The following P2RX3 variants were observed in gnomAD, a reference collection of about 807,000 sequenced individuals.
P2RX3 encodes purinergic receptor P2X 3.
P2RX3 carries 41 observed loss-of-function variants against 51.5 expected under a neutral mutation model. The observed-to-expected ratio is 0.80, with a 90% CI of 0.62 to 1.03. P2RX3 has a LOEUF of 1.03. Among genes scored for constraint, P2RX3 ranks in the 50% least tolerant of loss-of-function variants. P2RX3 has a pLI of 0.00. For synonymous variants in P2RX3, 185 were observed against 191.6 expected (o/e 0.97, Z 0.29); for missense variants, 459 against 522.1 (o/e 0.88, Z 1.18).
chr11:57,365,494 C>A (rs957463281), intron 8 of P2RX3, among the ~76,000 whole-genome samples: 1 of 152,186 alleles, frequency 6.6e-6, no homozygotes, highest in African/African-American at 2.4e-5. Flanking sequence ...GAGGCCAAAG[C>A]GGTCTTTGCA....
At position 57,338,585 on chromosome 11, in the gene P2RX3, C is replaced by T. The variant is rs1360290347; in HGVS notation, c.35C>T (p.Thr12Ile). The T allele has an allele frequency of 6.3e-7, 1 of 1,595,524 alleles. No homozygotes were observed. The highest frequency in any genetic ancestry group is 1.1e-5 in the South Asian group (1 of 90,332). The change falls in exon 1 of 12, where the codon ACC becomes ATC. Residue 12 changes from threonine (T) to isoleucine (I), a missense_variant. Transcript: ENST00000263314. Reference protein sequence around the residue: ...NCISDFFTYETTKSVVVKSWT... With the variant: ...NCISDFFTYEITKSVVVKSWT... The stretch of plus-strand genomic sequence containing the variant: ...ATATCCGACTTCTTCACCTATGAGA[C>T]CACCAAGTCGGTGGTTGTGAAGAGC...
intron 8 of P2RX3, among the ~76,000 whole-genome samples, chr11:57,351,974 G>C (rs1856556176): frequency 6.6e-6 from 1 of 152,150 alleles, no homozygotes; most frequent in Admixed American, 6.5e-5. Context: ...CCCTGTTTAA[G>C]TACACAGCAT....
chr11:57,363,877 C>T (rs1250557741), intron 8 of P2RX3, among the ~76,000 whole-genome samples: 1 of 152,314 alleles, frequency 6.6e-6, no homozygotes, highest in East Asian at 1.9e-4. Context: ...CAACCCTCCT[C>T]AGAGGGTGGG....
chr11:57,350,699 C>T, intron 7 of P2RX3, 63 bp from the exon 8 acceptor site: 2 of 1,589,978 alleles, frequency 1.3e-6, no homozygotes, highest in East Asian at 4.5e-5. Flanking sequence ...CCCACCCCCA[C>T]CCTGGCCCAG....
chr11:57,349,895 C>T lies in P2RX3; in HGVS notation c.702C>T (p.Arg234=). 2.5e-6 allele frequency: 4 copies of T among 1,614,240 alleles called. No homozygotes were observed. Among genetic ancestry groups the T allele is most frequent in the Non-Finnish European group, 3.4e-6 (4 of 1,180,046 alleles). ...FAGQDFAKLA[R]TGGVLGIKIG... ...GGCAGGATTTTGCCAAACTGGCGCG[C>T]ACGGTGAGGACCTAGCCATTCTTCC... Residue 234 remains arginine (R), a synonymous_variant, in exon 7 of 12, where the codon CGC becomes CGT. Transcript: ENST00000263314.
upstream of P2RX3, among the ~76,000 whole-genome samples, chr11:57,337,289 C>CAAAAAAAAAAAA (rs36169095): frequency 3.7e-5 from 1 of 26,764 alleles, no homozygotes; most frequent in African/African-American, 1.6e-4. Context: ...GAGACTCTGT[C>CAAAAAAAAAAAA]AAAAAAAAAA....
Position 57,348,300 on chromosome 11 carries a change from C to T in P2RX3, c.485+37C>T, listed in dbSNP as rs1292757783. 5 of 1,537,208 alleles carry T rather than the reference C, an allele frequency of 3.3e-6. No homozygotes were observed. The Admixed American group carries it at 5.8e-5, about 18-fold the overall frequency. ...AGCCAGACAGGAGGAGACAGGCCCC[C>T]ACCTCAGCTCCCCTTTGCCCATGTG... On this transcript the variant is annotated intron_variant, in intron 5 of 11. Coordinates refer to ENST00000263314, the MANE Select transcript of P2RX3 (RefSeq NM_002559.5).
At chr11:57,369,119 T>G (rs892505544) in intron 10 of P2RX3, among the ~76,000 whole-genome samples, 2 of 152,068 alleles carry the variant, frequency 1.3e-5, no homozygotes, top group African/African-American at 2.4e-5. Flanking sequence ...GCCCGCAGGG[T>G]CCAATCACCT....
intron 2 of P2RX3, 63 bp from the exon 3 acceptor site, chr11:57,347,053 A>G (rs1856449385): frequency 2.0e-6 from 3 of 1,485,302 alleles, no homozygotes; most frequent in Non-Finnish European, 2.8e-6. Context: ...ATAATCAGTT[A>G]TAGTCCCTGT....
chr11:57,343,974 ATT>A (rs1856387604), intron 1 of P2RX3, among the ~76,000 whole-genome samples: 1 of 152,164 alleles, frequency 6.6e-6, no homozygotes, highest in Admixed American at 6.5e-5. Context: ...GGCAGATGGG[ATT>A]TCTACGTGAG....
At chr11:57,337,061 G>A (rs981367357), upstream of P2RX3, among the ~76,000 whole-genome samples, 1 of 152,134 alleles carries the variant, frequency 6.6e-6, no homozygotes, top group African/African-American at 2.4e-5. Context: ...GGAGGCCAAG[G>A]CAGGGAGATC....
chr11:57,346,427 A>G, intron 1 of P2RX3, 117 bp from the exon 2 acceptor site: 1 of 1,298,864 alleles, frequency 7.7e-7, no homozygotes, highest in Non-Finnish European at 1.1e-6. Context: ...GGAAGGAACC[A>G]TCCGCACACC....
At chr11:57,355,952 G>A (rs968273039) in intron 8 of P2RX3, among the ~76,000 whole-genome samples, 10 of 152,156 alleles carry the variant, frequency 6.6e-5, no homozygotes, top group African/African-American at 2.2e-4. Context: ...ATCCCTTGAA[G>A]CCAGGAGTTT....
At chr11:57,347,647 G>GC (rs1383866220) in intron 4 of P2RX3, among the ~76,000 whole-genome samples, 169 bp downstream of exon 4, 2 of 152,194 alleles carry the variant, frequency 1.3e-5, no homozygotes, top group Non-Finnish European at 1.5e-5. Flanking sequence ...AGGTGGCATG[G>GC]CCCCTGCCCC....
At position 57,349,775 on chromosome 11, in the gene P2RX3, C is replaced by T; in HGVS notation, c.582C>T (p.Asn194=). The T allele has an allele frequency of 6.2e-7, 1 of 1,614,204 alleles. No homozygotes were observed. Among genetic ancestry groups the T allele is most frequent in the Non-Finnish European group, 8.5e-7 (1 of 1,180,028 alleles). ...FNFEKGNLLP[N]LTARDMKTCR... ...TCCCCAGGGGAAACCTCCTTCCCAA[C>T]CTGACAGCCAGGGACATGAAGACCT... The change falls in exon 7 of 12, where the codon AAC becomes AAT. Residue 194 remains asparagine (N), a synonymous_variant. Coordinates refer to ENST00000263314, the MANE Select transcript of P2RX3 (RefSeq NM_002559.5).
chr11:57,336,303 C>T (rs1163831236), upstream of P2RX3, among the ~76,000 whole-genome samples: 1 of 152,092 alleles, frequency 6.6e-6, no homozygotes, highest in Non-Finnish European at 1.5e-5. Flanking sequence ...CGTGGGTGCA[C>T]TGCTTTCTGG....
chr11:57,364,668 A>G (rs1467063055), intron 8 of P2RX3, among the ~76,000 whole-genome samples: 1 of 152,066 alleles, frequency 6.6e-6, no homozygotes, highest in Non-Finnish European at 1.5e-5. Flanking sequence ...TATAGAAATG[A>G]CGCCCTCTCT....
chr11:57,368,362 G>A lies in P2RX3; in HGVS notation c.937-10G>A, dbSNP rs767518255. 1.9e-6 allele frequency: 3 copies of A among 1,614,070 alleles called. No individual in the cohort carries two copies. The highest frequency in any genetic ancestry group is 1.7e-6 in the Non-Finnish European group (2 of 1,180,028). ...CCTCTGCCCACTTGCCTTGGTCTTT[G>A]TGCACACAGGCTGGCAAGTTCAACA... On this transcript the variant is annotated splice_polypyrimidine_tract_variant and intron_variant, in intron 9 of 11. Coordinates refer to ENST00000263314, the MANE Select transcript of P2RX3 (RefSeq NM_002559.5).
upstream of P2RX3, chr11:57,338,287 C>T (rs1380679827): frequency 3.4e-6 from 1 of 290,060 alleles, no homozygotes; most frequent in Non-Finnish European, 6.5e-6. Context: ...GACCCCACCC[C>T]TGCTGTGACA....
Sources: allele counts gnomAD v4.1 joint callset (sites outside exome capture counted in the v4.1 genomes callset), GRCh38; gene constraint gnomAD v4.1.1; transcripts MANE v1.5; gene names NCBI Gene and HGNC (gene_info 2026-07-23, HGNC 2026-07-21).